Variants in KIRREL3 observed in about 807,000 individuals in gnomAD.
KIRREL3 encodes the protein kin of IRRE-like protein 3.
Under a neutral mutation model 89.7 loss-of-function variants are expected in KIRREL3, and 36 were observed. The ratio of observed to expected loss-of-function variants is 0.40; its 90% CI spans 0.31 to 0.53. KIRREL3 has a LOEUF of 0.53. Ranked by LOEUF, KIRREL3 falls within the 20% of genes least tolerant of loss-of-function variation. The pLI is 0.49. For synonymous variants in KIRREL3, 445 were observed against 441.4 expected, an observed-to-expected ratio of 1.01 and a Z score of -0.10; for missense variants, 864 against 1,056.6, an observed-to-expected ratio of 0.82 and a Z score of 2.53.
At chr11:126,437,044 C>G in intron 11 of KIRREL3, 35 bp from the exon 12 acceptor site, 1 of 1,475,738 alleles carries the variant, frequency 6.8e-7, no homozygotes, top group Non-Finnish European at 9.0e-7. Flanking sequence ...GGAGACCCCA[C>G]CAGAGGGGCC....
At chr11:126,649,145 A>G (rs1565619141) in intron 1 of KIRREL3, among the ~76,000 whole-genome samples, 1 of 152,200 alleles carries the variant, frequency 6.6e-6, no homozygotes, top group Non-Finnish European at 1.5e-5. Context: ...AGTAAGGGGG[A>G]AACCACCCTC....
chr11:126,680,544 G>C (rs117716335), intron 1 of KIRREL3, among the ~76,000 whole-genome samples: 1 of 152,122 alleles, frequency 6.6e-6, no homozygotes, highest in Non-Finnish European at 1.5e-5. Context: ...TTTAGGGCAG[G>C]AGCTATCTAG....
At position 126,677,634 on chromosome 11, in the gene KIRREL3, T is replaced by C. The variant is rs762240934; in HGVS notation, c.56-114722A>G. 2.0e-5 allele frequency among the ~76,000 whole-genome samples: 3 copies of C among 152,112 alleles called. No individual in the cohort carries two copies. The highest frequency in any genetic ancestry group is 2.9e-5 in the Non-Finnish European group (2 of 68,014). ...TTCGCTGAGCTGTCGCTGTGCTAGG[T>C]GCTGAAGCAGGGCTGGGATGGGGGT... is the stretch of plus-strand genomic sequence containing the variant. On this transcript the variant is annotated intron_variant, in intron 1 of 16. Transcript: ENST00000525144. The surrounding 1 kb of genome is among the most constrained non-coding windows in gnomAD (Gnocchi z 5.1).
chr11:126,726,767 A>C (rs1232346166), intron 1 of KIRREL3, among the ~76,000 whole-genome samples: 1 of 152,118 alleles, frequency 6.6e-6, no homozygotes, highest in Non-Finnish European at 1.5e-5. Context: ...AAAACTCTGT[A>C]TTGGCCTACA....
In KIRREL3 at chr11:126,602,425, C is replaced by A. The variant is rs370557456; in HGVS notation, c.56-39513G>T. On this transcript the variant is annotated intron_variant, in intron 1 of 16. Coordinates refer to ENST00000525144, the MANE Select transcript of KIRREL3 (RefSeq NM_032531.4). ...AATAGCAACCTGCCTTTGTCCGGTG[C>A]CTCGTCGTCGTTTATGCAAGTCTAT... 2.0e-4 allele frequency among the ~76,000 whole-genome samples: 31 copies of A among 152,288 alleles called. No individual in the cohort carries two copies. In the East Asian group the frequency reaches 3.3e-3, roughly 16 times the overall value.
In KIRREL3 at chr11:126,473,375, G is replaced by C; in HGVS notation, c.525C>G (p.Ala175=). ...PLNLTCHADN[A]KPAASIIWLR... is the part of the protein sequence containing the mutation. ...ACCAGATGATGGAGGCTGCAGGCTT[G>C]GCATTGTCTGCGTGGCAGGTGAGGT... The change falls in exon 5 of 17, where the codon GCC becomes GCG. Residue 175 remains alanine, a synonymous_variant. Coordinates refer to ENST00000525144, the MANE Select transcript of KIRREL3 (RefSeq NM_032531.4). The C allele has an allele frequency of 6.3e-7, 1 of 1,575,432 alleles. No homozygotes were observed. Among genetic ancestry groups the C allele is most frequent in the Non-Finnish European group, 8.6e-7 (1 of 1,162,218 alleles).
rs986229250 is a variant in KIRREL3 at position 126,904,326 on chromosome 11, A to C, written c.55+96129T>G. On this transcript the variant is annotated intron_variant, in intron 1 of 16. Coordinates refer to ENST00000525144, the MANE Select transcript of KIRREL3 (RefSeq NM_032531.4). The surrounding 1 kb of genome is among the most constrained non-coding windows in gnomAD (Gnocchi z 4.4). ...CTGTATTTTATGGCCCGAAGCCCCCAAACTCATGATTATTTGCTATTTTGC... is the reference window on the plus strand; with the variant it reads ...CTGTATTTTATGGCCCGAAGCCCCCCAACTCATGATTATTTGCTATTTTGC... Among the ~76,000 whole-genome samples, 2 of 152,184 alleles carry C rather than the reference A, an allele frequency of 1.3e-5. No homozygotes were observed. Among genetic ancestry groups the C allele is most frequent in the Non-Finnish European group, 2.9e-5 (2 of 68,046 alleles).
rs944455800 is a variant in KIRREL3 at position 126,441,500 on chromosome 11, G to A, written c.1253-951C>T. Among the ~76,000 whole-genome samples the A allele has an allele frequency of 6.6e-6, 1 of 152,204 alleles. No homozygotes were observed. Among genetic ancestry groups the A allele is most frequent in the Non-Finnish European group, 1.5e-5 (1 of 68,034 alleles). On this transcript the variant is annotated intron_variant, in intron 10 of 16. Transcript: ENST00000525144. The surrounding 1 kb of genome is among the most constrained non-coding windows in gnomAD (Gnocchi z 5.0). The stretch of plus-strand genomic sequence containing the variant: ...CTCTGCTGGCTTCCTGGCTGGGCTG[G>A]GTGGTTGAAGGATGGGAGTAGGGAC...
rs1458098800 is a variant in KIRREL3 at position 126,501,954 on chromosome 11, G to T, written c.433+19361C>A. On this transcript the variant is annotated intron_variant, in intron 4 of 16. Coordinates refer to ENST00000525144, the MANE Select transcript of KIRREL3 (RefSeq NM_032531.4). This position sits in a 1 kb window ranked among gnomAD's most constrained non-coding sequence, Gnocchi z 5.8. ...GGTGGGCCACATCCCGCCCAAGGGAGCAGCCATTACATAATTGTTTGCAAG... is the reference window on the plus strand; with the variant it reads ...GGTGGGCCACATCCCGCCCAAGGGATCAGCCATTACATAATTGTTTGCAAG... Among the ~76,000 whole-genome samples, 1 of 152,208 alleles carries T rather than the reference G, an allele frequency of 6.6e-6. No homozygotes were observed. The highest frequency in any genetic ancestry group is 1.5e-5 in the Non-Finnish European group (1 of 68,034).
rs138149921 is a variant in KIRREL3 at position 126,553,233 on chromosome 11, G to A, written c.133+9602C>T. On this transcript the variant is annotated intron_variant, in intron 2 of 16. Coordinates refer to ENST00000525144, the MANE Select transcript of KIRREL3 (RefSeq NM_032531.4). This position sits in a 1 kb window ranked among gnomAD's most constrained non-coding sequence, Gnocchi z 4.7. The stretch of plus-strand genomic sequence containing the variant: ...CCTTGGTCTGAAGAAATGATGGTCA[G>A]CTGTCCAAATGCATACAATATCTTC... 6.4e-3 allele frequency among the ~76,000 whole-genome samples: 970 copies of A among 152,170 alleles called. 16 individuals carry two copies. The highest frequency in any genetic ancestry group is 0.022 in the African/African-American group (922 of 41,460).
rs1204937604 is a variant in KIRREL3, at chr11:126,723,684, C to G, written c.56-160772G>C. On this transcript the variant is annotated intron_variant, in intron 1 of 16. Coordinates refer to ENST00000525144, the MANE Select transcript of KIRREL3 (RefSeq NM_032531.4). The surrounding 1 kb of genome is among the most constrained non-coding windows in gnomAD (Gnocchi z 4.0). ...TGTCATTCTTTTATATTCCTAGTAC[C>G]TAGACCATGATGACATAATAATAGA... Among the ~76,000 whole-genome samples, 3 of 152,034 alleles carry G rather than the reference C, an allele frequency of 2.0e-5. No individual in the cohort carries two copies. Among genetic ancestry groups the G allele is most frequent in the Admixed American group, 2.0e-4 (3 of 15,272 alleles).
chr11:126,530,273 C>G lies in KIRREL3; in HGVS notation c.134-3586G>C, dbSNP rs1397626836. 7.2e-5 allele frequency among the ~76,000 whole-genome samples: 11 copies of G among 152,072 alleles called. No individual in the cohort carries two copies. The highest frequency in any genetic ancestry group is 8.8e-5 in the Non-Finnish European group (6 of 68,020). On this transcript the variant is annotated intron_variant, in intron 2 of 16. Transcript: ENST00000525144. The surrounding 1 kb of genome is among the most constrained non-coding windows in gnomAD (Gnocchi z 5.8). ...CTGATTTTCATATTTTTAATAGAGA[C>G]AGGGTTTCACCATGTTGGCCAGGCT...
chr11:126,590,190 C>T (rs1192062772), intron 1 of KIRREL3, among the ~76,000 whole-genome samples: 2 of 152,158 alleles, frequency 1.3e-5, no homozygotes, highest in Admixed American at 6.5e-5. Flanking sequence ...CTTGGTTATT[C>T]GTTTTGTTAA....
rs1360514533 is a variant in KIRREL3, at chr11:126,754,347, A to G, written c.56-191435T>C. Among the ~76,000 whole-genome samples, 2 of 152,228 alleles carry G rather than the reference A, an allele frequency of 1.3e-5. No homozygotes were observed. The highest frequency in any genetic ancestry group is 4.8e-5 in the African/African-American group (2 of 41,468). On this transcript the variant is annotated intron_variant, in intron 1 of 16. Coordinates refer to ENST00000525144, the MANE Select transcript of KIRREL3 (RefSeq NM_032531.4). The surrounding 1 kb of genome is among the most constrained non-coding windows in gnomAD (Gnocchi z 5.1). Reference sequence around the variant, plus strand: ...AAATAAAGATGTTCACTGCTGAAACAGCATTCCTCAGAACGTACCTCTCTA... The same window carrying G: ...AAATAAAGATGTTCACTGCTGAAACGGCATTCCTCAGAACGTACCTCTCTA...
At position 126,996,856 on chromosome 11, in the gene KIRREL3, G is replaced by T. The variant is rs1332415326; in HGVS notation, c.55+3599C>A. On this transcript the variant is annotated intron_variant, in intron 1 of 16. Coordinates refer to ENST00000525144, the MANE Select transcript of KIRREL3 (RefSeq NM_032531.4). This position sits in a 1 kb window ranked among gnomAD's most constrained non-coding sequence, Gnocchi z 4.7. ...TGCAAAGCCAAAAGATCTGGGTTCA[G>T]CAGAATTAGAACCTTCACAACCACA... Among the ~76,000 whole-genome samples the T allele has an allele frequency of 3.3e-5, 5 of 152,214 alleles. No homozygotes were observed. Among genetic ancestry groups the T allele is most frequent in the Non-Finnish European group, 7.3e-5 (5 of 68,034 alleles).
chr11:126,963,701 C>G (rs555465295), intron 1 of KIRREL3, among the ~76,000 whole-genome samples: 1 of 152,184 alleles, frequency 6.6e-6, no homozygotes, highest in African/African-American at 2.4e-5. Flanking sequence ...AAAAGGCCTC[C>G]TATACCTCCT....
chr11:126,648,330 C>T (rs1944774259), intron 1 of KIRREL3, among the ~76,000 whole-genome samples: 2 of 152,178 alleles, frequency 1.3e-5, no homozygotes. Context: ...CTTTGCTGTT[C>T]CTGAAACTCA....
intron 2 of KIRREL3, among the ~76,000 whole-genome samples, chr11:126,548,847 G>A (rs1161601435): frequency 6.7e-6 from 1 of 150,354 alleles, no homozygotes; most frequent in African/African-American, 2.5e-5. Context: ...CCACGTGGGT[G>A]GGTCCTGGGA....
rs1368815124 is a variant in KIRREL3 at position 126,647,693 on chromosome 11, G to C, written c.56-84781C>G. On this transcript the variant is annotated intron_variant, in intron 1 of 16. Coordinates refer to ENST00000525144, the MANE Select transcript of KIRREL3 (RefSeq NM_032531.4). This position sits in a 1 kb window ranked among gnomAD's most constrained non-coding sequence, Gnocchi z 4.9. ...CACTTGGACCCTGTGCCTGGATGGC[G>C]GCCAGAGCCTCCTAATTGGTCTCGC... Among the ~76,000 whole-genome samples the C allele has an allele frequency of 6.6e-6, 1 of 152,148 alleles. No individual in the cohort carries two copies. The highest frequency in any genetic ancestry group is 1.5e-5 in the Non-Finnish European group (1 of 68,036).
Sources: gnomAD v4.1 joint callset for allele counts (sites outside exome capture counted in the v4.1 genomes callset) on GRCh38, gnomAD v4.1.1 for gene constraint, Gnocchi (gnomAD v3.1) non-coding constraint, MANE v1.5 for transcripts, NCBI Gene and HGNC (gene_info 2026-07-23, HGNC 2026-07-21) for gene names.